TMOD1: variants seen among roughly 807,000 people sequenced by gnomAD.
The protein encoded by TMOD1 is tropomodulin-1.
A neutral mutation model predicts 40.6 loss-of-function variants in TMOD1; 17 were observed. That is an observed-to-expected ratio of 0.42 (90% CI 0.29 to 0.63). TMOD1 has a LOEUF of 0.63. Ranked by LOEUF, TMOD1 falls within the 20% of genes least tolerant of loss-of-function variation. The probability of loss-of-function intolerance (pLI) is 0.22; values close to 1 mark genes in which losing one functional copy is unlikely to be tolerated. For missense variants in TMOD1, 391 were observed against 447.6 expected (o/e 0.87, Z 1.14); for synonymous variants, 181 against 175.0 (o/e 1.03, Z -0.27).
chr9:97,553,829 C>T (rs1401874981), intron 4 of TMOD1, among the ~76,000 whole-genome samples: 1 of 152,210 alleles, frequency 6.6e-6, no homozygotes, highest in Non-Finnish European at 1.5e-5. Context: ...CTGCAGTTGG[C>T]TCAGTGAGCC....
chr9:97,568,764 T>G, intron 7 of TMOD1, 130 bp from the exon 8 acceptor site: 1 of 1,057,364 alleles, frequency 9.5e-7, no homozygotes. Context: ...ACAGTCAGAG[T>G]TGTGCTTGGT....
chr9:97,584,425 G>T (rs1282865304), intron 8 of TMOD1, among the ~76,000 whole-genome samples: 4 of 151,088 alleles, frequency 2.6e-5, no homozygotes, highest in African/African-American at 9.7e-5. Context: ...TTCCCAGTAT[G>T]TGGTCAATTT....
chr9:97,546,082 G>A, intron 2 of TMOD1, 103 bp from the exon 3 acceptor site: 1 of 1,368,380 alleles, frequency 7.3e-7, no homozygotes, highest in Non-Finnish European at 9.8e-7. Context: ...CCTTCTGTTC[G>A]ATGATGAGTT....
chr9:97,553,226 C>A, intron 3 of TMOD1, 55 bp from the exon 4 acceptor site: 1 of 1,610,696 alleles, frequency 6.2e-7, no homozygotes, highest in Non-Finnish European at 8.5e-7. Flanking sequence ...TGTGGGTCCA[C>A]CAGAGGCTGT....
rs1195840480 is a variant in TMOD1, at chr9:97,502,753, G to A, written c.-49+950G>A. 6.6e-6 allele frequency among the ~76,000 whole-genome samples: 1 copy of A among 152,184 alleles called. No individual in the cohort carries two copies. Among genetic ancestry groups the A allele is most frequent in the African/African-American group, 2.4e-5 (1 of 41,438 alleles). ...ATCCTAAGCCGTACAACCCTAGGAA[G>A]TGCACTTTTGGGGTGCCTATGGGCA... On this transcript the variant is annotated intron_variant, in intron 1 of 9. Transcript: ENST00000259365. The surrounding 1 kb of genome is among the most constrained non-coding windows in gnomAD (Gnocchi z 6.1).
chr9:97,529,318 C>T (rs150596296), intron 2 of TMOD1, among the ~76,000 whole-genome samples: 6 of 152,246 alleles, frequency 3.9e-5, no homozygotes, highest in Admixed American at 6.5e-5. Flanking sequence ...TGGATACAGT[C>T]GGCCTAGATG....
chr9:97,583,187 T>C (rs1277994818), intron 8 of TMOD1, among the ~76,000 whole-genome samples: 1 of 150,186 alleles, frequency 6.7e-6, no homozygotes, highest in African/African-American at 2.5e-5. Flanking sequence ...CAATACCTAA[T>C]TTATTGAGAG....
chr9:97,597,321 C>T (rs1357681868), intron 9 of TMOD1, among the ~76,000 whole-genome samples: 1 of 152,200 alleles, frequency 6.6e-6, no homozygotes, highest in African/African-American at 2.4e-5. Flanking sequence ...CTGGTCTCAA[C>T]TTCCTTCATC....
At chr9:97,529,418 A>T (rs1258924986) in intron 2 of TMOD1, among the ~76,000 whole-genome samples, 2 of 152,068 alleles carry the variant, frequency 1.3e-5, no homozygotes, top group African/African-American at 4.8e-5. Flanking sequence ...AAACACTTCA[A>T]GGGGTGACGT....
intron 3 of TMOD1, among the ~76,000 whole-genome samples, chr9:97,548,678 G>A (rs1185060033): frequency 6.6e-6 from 1 of 152,148 alleles, no homozygotes; most frequent in Non-Finnish European, 1.5e-5. Context: ...CAGAGCTGGG[G>A]AAAGCTCTCT....
upstream of TMOD1, chr9:97,501,355 G>C (rs2131198066): frequency 6.6e-6 from 1 of 152,330 alleles, no homozygotes; most frequent in East Asian, 1.9e-4. Context: ...AAACCCCACA[G>C]GAATGCAAAT....
At position 97,601,143 on chromosome 9, in the gene TMOD1, A is replaced by G. The variant is rs1054592380; in HGVS notation, c.*1445A>G. ...AGGCTGCACATGGCCCAGGAGTGGC[A>G]CCATGTTGCAGGGACAACCATCCCC... is the stretch of plus-strand genomic sequence containing the variant. On this transcript the variant is annotated 3_prime_UTR_variant, in exon 10 of 10. Transcript: ENST00000259365. 9 of 1,303,792 alleles carry G rather than the reference A, an allele frequency of 6.9e-6. No individual in the cohort carries two copies. The highest frequency in any genetic ancestry group is 9.1e-6 in the Non-Finnish European group (9 of 988,806). The allele number at this position is 1,303,792 out of a possible 1,614,324, so 80.8% of individuals were successfully genotyped here. A position where few individuals can be genotyped will look rare whatever the true frequency, so the allele number is the denominator to read the frequency against.
At chr9:97,544,378 A>G (rs894440322) in intron 2 of TMOD1, among the ~76,000 whole-genome samples, 2 of 152,034 alleles carry the variant, frequency 1.3e-5, no homozygotes, top group South Asian at 4.2e-4. Context: ...TTTACTAAAA[A>G]TACAAAAATT....
intron 1 of TMOD1, among the ~76,000 whole-genome samples, chr9:97,514,245 G>GT (rs1554753242): frequency 4.2e-5 from 6 of 143,122 alleles, no homozygotes; most frequent in South Asian, 2.3e-4. Flanking sequence ...TTTTTTGGGG[G>GT]GGGGGTTGTG....
intron 1 of TMOD1, among the ~76,000 whole-genome samples, chr9:97,523,030 G>T (rs1321980513): frequency 2.0e-5 from 3 of 152,122 alleles, no homozygotes; most frequent in Non-Finnish European, 4.4e-5. Context: ...GATGTCAGGG[G>T]TCCTGAGTCA....
chr9:97,559,835 CTATCTA>C (rs1830609790), intron 4 of TMOD1, among the ~76,000 whole-genome samples: 1 of 47,760 alleles, frequency 2.1e-5, no homozygotes, highest in Admixed American at 2.8e-4. Flanking sequence ...GTCTATCTAT[CTATCTA>C]TCTATCTATC....
At chr9:97,543,701 G>T (rs1199014920) in intron 2 of TMOD1, among the ~76,000 whole-genome samples, 1 of 152,204 alleles carries the variant, frequency 6.6e-6, no homozygotes, top group African/African-American at 2.4e-5. Flanking sequence ...TTCATTATGG[G>T]TAGTCACACA....
chr9:97,514,990 C>G (rs1587913675), intron 1 of TMOD1, among the ~76,000 whole-genome samples: 2 of 152,152 alleles, frequency 1.3e-5, no homozygotes, highest in East Asian at 3.9e-4. Flanking sequence ...CAGTGGGCTT[C>G]TTGTGCAGTA....
Position 97,600,462 on chromosome 9 carries a change from AT to A in TMOD1, c.*766del. On this transcript the variant is annotated 3_prime_UTR_variant, in exon 10 of 10. Transcript: ENST00000259365. ...ATACTGGAGTTAGAACTTTTTCCTT[AT>A]TGAATGCCAACCTTATGATGGATGT... 1.0e-6 allele frequency: 1 copy of A among 985,612 alleles called. No individual in the cohort carries two copies. The highest frequency in any genetic ancestry group is 1.2e-6 in the Non-Finnish European group (1 of 830,052). The allele number at this position is 985,612 out of a possible 1,614,324, so 61.1% of individuals were successfully genotyped here.
Sources: gnomAD v4.1 joint callset for allele counts (sites outside exome capture counted in the v4.1 genomes callset) on GRCh38, gnomAD v4.1.1 for gene constraint, Gnocchi (gnomAD v3.1) non-coding constraint, MANE v1.5 for transcripts, NCBI Gene and HGNC (gene_info 2026-07-23, HGNC 2026-07-21) for gene names.